Variants in SIL1 observed in about 807,000 individuals in gnomAD.
SIL1 encodes the protein nucleotide exchange factor SIL1.
A neutral mutation model predicts 49.1 loss-of-function variants in SIL1; 40 were observed. That is an observed-to-expected ratio of 0.81 (90% CI 0.63 to 1.06). The LOEUF (loss-of-function observed/expected upper bound fraction) is 1.06, where lower values mean the gene tolerates loss of function less well. Among genes scored for constraint, SIL1 ranks in the 50% least tolerant of loss-of-function variants. The probability of loss-of-function intolerance (pLI) is 0.00; values close to 1 mark genes in which losing one functional copy is unlikely to be tolerated. For missense variants in SIL1, 500 were observed against 572.6 expected, an observed-to-expected ratio of 0.87 and a Z score of 1.29; for synonymous variants, 253 against 250.8, an observed-to-expected ratio of 1.01 and a Z score of -0.08.
intron 1 of SIL1, among the ~76,000 whole-genome samples, chr5:139,189,285 G>A (rs1413290082): frequency 2.0e-5 from 3 of 152,128 alleles, no homozygotes; most frequent in Admixed American, 6.6e-5. Flanking sequence ...TTGCATTAAC[G>A]CCTGAGCACC....
chr5:139,159,509 C>T (rs1751466720), intron 1 of SIL1, among the ~76,000 whole-genome samples: 2 of 152,194 alleles, frequency 1.3e-5, no homozygotes, highest in African/African-American at 4.8e-5. Flanking sequence ...TGAGCTGAAG[C>T]TCTGAGTACC....
intron 3 of SIL1, among the ~76,000 whole-genome samples, chr5:139,051,803 C>T (rs1769293005): frequency 6.6e-6 from 1 of 152,214 alleles, no homozygotes; most frequent in Admixed American, 6.5e-5. Context: ...AATCGATGGG[C>T]TATTCCTATG....
intron 8 of SIL1, 59 bp downstream of exon 8, chr5:138,951,729 C>T (rs1393739236): frequency 6.7e-7 from 1 of 1,500,526 alleles, no homozygotes; most frequent in African/African-American, 1.4e-5. Flanking sequence ...GGAACCCTTT[C>T]CTTTCAGGCC....
intron 1 of SIL1, among the ~76,000 whole-genome samples, chr5:139,187,517 TAAAA>T (rs36105029): frequency 3.7e-5 from 5 of 136,080 alleles, no homozygotes; most frequent in African/African-American, 8.3e-5. Flanking sequence ...GACTCCATCT[TAAAA>T]AAAAAAAAAA....
chr5:139,180,330 G>A (rs55633911), intron 1 of SIL1, among the ~76,000 whole-genome samples: 4,965 of 134,126 alleles, frequency 0.037, 117 homozygotes, highest in Non-Finnish European at 0.056. Flanking sequence ...GCAGTGAGCC[G>A]AGATCACGCC....
rs11363617 is a variant in SIL1, at chr5:139,197,268, CAAAAA to C, written c.-11+996_-11+1000del. On this transcript the variant is annotated intron_variant, in intron 1 of 9. Coordinates refer to ENST00000394817, the MANE Select transcript of SIL1 (RefSeq NM_022464.5). ...GAGAAACAAGAGCGAAACTCCGCCT[CAAAAA>C]AAAAAAAAAAAAAAAAAAACTGTTT... Among the ~76,000 whole-genome samples the C allele has an allele frequency of 2.0e-4, 12 of 58,814 alleles. No homozygotes were observed. The East Asian group carries it at 3.7e-3, about 18-fold the overall frequency. The allele number at this position is 58,814 out of a possible 152,430, so 38.6% of individuals were successfully genotyped here.
At chr5:139,173,045 T>C (rs186065269) in intron 1 of SIL1, among the ~76,000 whole-genome samples, 2 of 152,146 alleles carry the variant, frequency 1.3e-5, no homozygotes, top group Admixed American at 1.3e-4. Flanking sequence ...AAAAAATAGA[T>C]ATAGGTTATG....
chr5:139,002,895 G>A (rs990885378), intron 7 of SIL1, among the ~76,000 whole-genome samples: 3 of 152,176 alleles, frequency 2.0e-5, no homozygotes, highest in African/African-American at 7.2e-5. Context: ...GTTCTTCAAA[G>A]TGTCCTTAGG....
At position 139,042,714 on chromosome 5, in the gene SIL1, T is replaced by C. The variant is rs779186269; in HGVS notation, c.359A>G (p.Asp120Gly). 1.9e-6 allele frequency: 3 copies of C among 1,613,940 alleles called. No individual in the cohort carries two copies. The East Asian group carries it at 6.7e-5, about 36-fold the overall frequency. Residue 120 changes from aspartate to glycine, a missense_variant, in exon 5 of 10, where the codon GAT becomes GGT. Physicochemically the swap from Asp to Gly is moderately conservative, Grantham distance 94. Transcript: ENST00000394817. ...FRNNLKGKRLDINTNTYTSQD... is the reference protein window; with the variant it reads ...FRNNLKGKRLGINTNTYTSQD... ...AGATGTGTAGGTGTTGGTGTTGATA[T>C]CCAGCCTGTCCAAAGAAAACTGAGA...
intron 1 of SIL1, among the ~76,000 whole-genome samples, chr5:139,197,605 CAG>C (rs1752302786): frequency 6.6e-6 from 1 of 152,190 alleles, no homozygotes; most frequent in Non-Finnish European, 1.5e-5. Flanking sequence ...TTTTCCCACT[CAG>C]AGCCCCATTC....
At chr5:139,008,934 T>C (rs1390792300) in intron 7 of SIL1, among the ~76,000 whole-genome samples, 1 of 151,138 alleles carries the variant, frequency 6.6e-6, no homozygotes, top group African/African-American at 2.4e-5. Flanking sequence ...AAAATGTATA[T>C]TCTGTTGATT....
chr5:139,135,177 TGGC>T (rs1388792730), intron 1 of SIL1, among the ~76,000 whole-genome samples: 2 of 152,168 alleles, frequency 1.3e-5, no homozygotes, highest in Non-Finnish European at 2.9e-5. Context: ...AAAACAAATG[TGGC>T]TTCTAACTAG....
chr5:139,014,125 T>TG (rs1462191610), intron 7 of SIL1: 1 of 152,146 alleles, frequency 6.6e-6, no homozygotes, highest in Non-Finnish European at 1.5e-5. Context: ...CCCAGCACTC[T>TG]GGGAGGCTGA....
intron 1 of SIL1, among the ~76,000 whole-genome samples, chr5:139,152,871 T>G (rs1311682923): frequency 6.6e-6 from 1 of 152,138 alleles, no homozygotes; most frequent in Non-Finnish European, 1.5e-5. Context: ...CTAGAGTGAG[T>G]GCAATGGCGC....
rs1769270338 is a variant in SIL1, at chr5:139,050,932, CTG to C, written c.353+4_353+5del. The C allele has an allele frequency of 6.2e-7, 1 of 1,612,110 alleles. No individual in the cohort carries two copies. The highest frequency in any genetic ancestry group is 1.3e-5 in the African/African-American group (1 of 74,892). ...AGCCTCCCAGTCCCTAGGGTTGACACTGTACCTTTTGCCTTTCAAATTATTTC... is the reference window on the plus strand; with the variant it reads ...AGCCTCCCAGTCCCTAGGGTTGACACTACCTTTTGCCTTTCAAATTATTTC... On this transcript the variant is annotated splice_donor_5th_base_variant and intron_variant, in intron 4 of 9. Coordinates refer to ENST00000394817, the MANE Select transcript of SIL1 (RefSeq NM_022464.5).
chr5:139,160,267 C>A (rs985724039), intron 1 of SIL1, among the ~76,000 whole-genome samples: 1 of 151,842 alleles, frequency 6.6e-6, no homozygotes. Flanking sequence ...GCTGTGAAAA[C>A]TTCCGAAAGA....
intron 7 of SIL1, among the ~76,000 whole-genome samples, chr5:138,958,410 ATTTCTCCAC>A (rs1299609650): frequency 3.3e-5 from 5 of 152,320 alleles, no homozygotes; most frequent in African/African-American, 1.2e-4. Context: ...TATCTGCCAG[ATTTCTCCAC>A]TATAAAAATA....
At chr5:138,954,878 T>C (rs541848242) in intron 7 of SIL1, among the ~76,000 whole-genome samples, 99 of 152,304 alleles carry the variant, frequency 6.5e-4, no homozygotes, top group Non-Finnish European at 1.0e-3. Context: ...GGACTACCCA[T>C]GTAAAAGACA....
At chr5:139,103,600 T>A (rs1265728816) in intron 3 of SIL1, among the ~76,000 whole-genome samples, 2 of 152,218 alleles carry the variant, frequency 1.3e-5, no homozygotes, top group African/African-American at 2.4e-5. Flanking sequence ...ATGGGCACAG[T>A]GGACCCTGCT....
Sources: allele counts gnomAD v4.1 joint callset (sites outside exome capture counted in the v4.1 genomes callset), GRCh38; gene constraint gnomAD v4.1.1; transcripts MANE v1.5; gene names NCBI Gene and HGNC (gene_info 2026-07-23, HGNC 2026-07-21).